The following SLC30A7 variants were observed in gnomAD, a reference collection of about 807,000 sequenced individuals.
SLC30A7 encodes zinc transporter 7.
In SLC30A7, 35 loss-of-function variants were observed where a neutral mutation model predicts 46.0. The observed-to-expected ratio is 0.76, with a 90% CI of 0.58 to 1.01. The LOEUF is 1.01. Among genes scored for constraint, SLC30A7 ranks in the 50% least tolerant of loss-of-function variants. The pLI, the probability that SLC30A7 is intolerant of heterozygous loss-of-function variation, is 0.00. For missense variants in SLC30A7, 464 were observed against 451.1 expected (o/e 1.03, Z -0.26); for synonymous variants, 147 against 157.8 (o/e 0.93, Z 0.51).
chr1:100,943,945 A>G (rs1654485254), intron 8 of SLC30A7, among the ~76,000 whole-genome samples: 1 of 152,256 alleles, frequency 6.6e-6, no homozygotes. Flanking sequence ...AAATGTTTTC[A>G]TATAATTTTG....
intron 5 of SLC30A7, among the ~76,000 whole-genome samples, chr1:100,912,893 GT>G (rs1652214424): frequency 9.0e-6 from 1 of 110,650 alleles, no homozygotes; most frequent in Non-Finnish European, 2.1e-5. Context: ...AAAAAAAAGT[GT>G]GTGTGTTTAT....
At chr1:100,964,282 C>CCTATAACCT (rs1553242346) in intron 9 of SLC30A7, among the ~76,000 whole-genome samples, 19 of 101,632 alleles carry the variant, frequency 1.9e-4, no homozygotes, top group African/African-American at 6.0e-4. Flanking sequence ...TAACCTATAA[C>CCTATAACCT]ATATATGTTA....
chr1:100,986,134 G>T (rs1281173114), downstream of SLC30A7, among the ~76,000 whole-genome samples: 2 of 152,174 alleles, frequency 1.3e-5, no homozygotes, highest in Non-Finnish European at 2.9e-5. Context: ...CTGCGGCCAG[G>T]CACAGTGGCT....
At chr1:100,896,788 C>T (rs955790909) in intron 2 of SLC30A7, 117 bp downstream of exon 2, 16 of 830,700 alleles carry the variant, frequency 1.9e-5, no homozygotes, top group African/African-American at 5.1e-5. Flanking sequence ...TTGTTACCTA[C>T]CTCTGCTGCT....
At chr1:100,955,694 T>C (rs1170050387) in intron 8 of SLC30A7, among the ~76,000 whole-genome samples, 1 of 152,102 alleles carries the variant, frequency 6.6e-6, no homozygotes, top group Non-Finnish European at 1.5e-5. Context: ...TTTATGCTTC[T>C]CTATTACAAT....
intron 9 of SLC30A7, among the ~76,000 whole-genome samples, chr1:100,965,132 A>T (rs1411946166): frequency 6.6e-6 from 1 of 152,206 alleles, no homozygotes; most frequent in Non-Finnish European, 1.5e-5. Context: ...AATCTCCTCT[A>T]TGCCATCAAG....
intron 8 of SLC30A7, among the ~76,000 whole-genome samples, chr1:100,935,763 C>G (rs1040558157): frequency 1.3e-5 from 2 of 152,076 alleles, no homozygotes; most frequent in Admixed American, 6.5e-5. Context: ...CGGGTTTTTA[C>G]TATTGTTTGA....
intron 8 of SLC30A7, among the ~76,000 whole-genome samples, chr1:100,957,903 A>T (rs1655314941): frequency 6.6e-6 from 1 of 152,080 alleles, no homozygotes; most frequent in Non-Finnish European, 1.5e-5. Context: ...AAGAAAAATG[A>T]TGGTTGAATT....
chr1:100,957,773 C>T (rs1655307149), intron 8 of SLC30A7, among the ~76,000 whole-genome samples: 1 of 152,010 alleles, frequency 6.6e-6, no homozygotes, highest in Non-Finnish European at 1.5e-5. Flanking sequence ...TCAAGGAGAA[C>T]AATTTTTGTG....
At chr1:100,901,380 A>G (rs1025928045) in intron 2 of SLC30A7, among the ~76,000 whole-genome samples, 14 of 152,074 alleles carry the variant, frequency 9.2e-5, no homozygotes, top group Non-Finnish European at 1.8e-4. Context: ...CTTTTGCCAT[A>G]TATTCTATTG....
chr1:100,966,352 G>A (rs1303563549), intron 10 of SLC30A7, among the ~76,000 whole-genome samples: 2 of 151,696 alleles, frequency 1.3e-5, no homozygotes, highest in East Asian at 3.9e-4. Flanking sequence ...GGGAGGCTGA[G>A]TCAGGTGGAT....
At chr1:100,967,517 A>G (rs1570593935) in intron 10 of SLC30A7, among the ~76,000 whole-genome samples, 1 of 152,284 alleles carries the variant, frequency 6.6e-6, no homozygotes, top group South Asian at 2.1e-4. Flanking sequence ...ACATAGATCT[A>G]ATGAAGAAAC....
chr1:100,934,322 C>T (rs558475745), intron 8 of SLC30A7, among the ~76,000 whole-genome samples: 1 of 152,116 alleles, frequency 6.6e-6, no homozygotes, highest in Non-Finnish European at 1.5e-5. Flanking sequence ...ATATGGCCTA[C>T]TTCAAGGATA....
At chr1:100,950,070 T>G (rs1302024231) in intron 8 of SLC30A7, among the ~76,000 whole-genome samples, 1 of 152,218 alleles carries the variant, frequency 6.6e-6, no homozygotes, top group Non-Finnish European at 1.5e-5. Flanking sequence ...CAGTTGGAAA[T>G]GCAGGAATCA....
At chr1:100,913,900 C>T in intron 6 of SLC30A7, 94 bp downstream of exon 6, 3 of 1,494,526 alleles carry the variant, frequency 2.0e-6, no homozygotes, top group Non-Finnish European at 2.7e-6. Flanking sequence ...TAAAAAGATA[C>T]CAAATCAACT....
chr1:100,972,025 A>G (rs899250096), intron 10 of SLC30A7, among the ~76,000 whole-genome samples: 2 of 152,166 alleles, frequency 1.3e-5, no homozygotes, highest in Non-Finnish European at 2.9e-5. Context: ...TGACTGGAGT[A>G]TGGTTTGTAC....
chr1:100,945,001 T>C (rs1246783280), intron 8 of SLC30A7, among the ~76,000 whole-genome samples: 1 of 152,218 alleles, frequency 6.6e-6, no homozygotes, highest in Non-Finnish European at 1.5e-5. Context: ...TGAGATGGTA[T>C]CTCATTGTGG....
the SLC30A7 span, among the ~76,000 whole-genome samples, chr1:100,991,836 C>T: frequency 1.3e-5 from 2 of 148,970 alleles, no homozygotes; most frequent in East Asian, 2.0e-4. Context: ...GTGGTTCACA[C>T]CTGTAATCCC....
chr1:100,927,159 A>T (rs1653359164), intron 8 of SLC30A7, among the ~76,000 whole-genome samples: 1 of 152,118 alleles, frequency 6.6e-6, no homozygotes, highest in Admixed American at 6.5e-5. Context: ...TGGAAGATAG[A>T]AATTTGGGTG....
Sources: allele counts gnomAD v4.1 joint callset (sites outside exome capture counted in the v4.1 genomes callset), GRCh38; gene constraint gnomAD v4.1.1; transcripts MANE v1.5; gene names NCBI Gene and HGNC (gene_info 2026-07-23, HGNC 2026-07-21).